CACNA1I: variants seen among roughly 807,000 people sequenced by gnomAD.
The protein encoded by CACNA1I is voltage-dependent T-type calcium channel subunit alpha-1I.
CACNA1I carries 74 observed loss-of-function variants against 201.6 expected under a neutral mutation model. The ratio of observed to expected loss-of-function variants is 0.37; its 90% CI spans 0.30 to 0.45. CACNA1I has a LOEUF of 0.45. CACNA1I is among the 20% of genes least tolerant of loss of function. The probability of loss-of-function intolerance (pLI) is 1.00; values close to 1 mark genes in which losing one functional copy is unlikely to be tolerated. For synonymous variants in CACNA1I, 1,431 were observed against 1,345.2 expected (o/e 1.06, Z -1.40); for missense variants, 2,346 against 3,138.1 (o/e 0.75, Z 6.03).
intron 1 of CACNA1I, among the ~76,000 whole-genome samples, chr22:39,579,276 A>T (rs1367409350): frequency 6.6e-6 from 1 of 152,200 alleles, no homozygotes; most frequent in Non-Finnish European, 1.5e-5. Flanking sequence ...CCAACTCTCC[A>T]ACCATGGCTG....
At chr22:39,591,512 G>C (rs1292266442) in intron 1 of CACNA1I, among the ~76,000 whole-genome samples, 3 of 152,046 alleles carry the variant, frequency 2.0e-5, no homozygotes, top group Non-Finnish European at 4.4e-5. Flanking sequence ...GTATGCTGCA[G>C]GACAGATATC....
In CACNA1I at chr22:39,662,276, G is replaced by T. The variant is rs756935662; in HGVS notation, c.3213G>T (p.Val1071=). The T allele has an allele frequency of 3.0e-5, 45 of 1,516,066 alleles. No individual in the cohort carries two copies. The African/African-American group carries it at 5.8e-4, about 19-fold the overall frequency. The allele number at this position is 1,516,066 out of a possible 1,614,324, so 93.9% of individuals were successfully genotyped here. Residue 1071 remains valine (V), a synonymous_variant, in exon 17 of 37, where the codon GTG becomes GTT. Transcript: ENST00000402142. ...ACTCGGTGGACCTGGCCGAGCTGGTGCCCGCGGTGGGCGCCCACCCCCGGG... is the reference window on the plus strand; with the variant it reads ...ACTCGGTGGACCTGGCCGAGCTGGTTCCCGCGGTGGGCGCCCACCCCCGGG... ...NRDSVDLAEL[V]PAVGAHPRAA... is the part of the protein sequence containing the mutation.
intron 1 of CACNA1I, among the ~76,000 whole-genome samples, chr22:39,583,032 C>G (rs1365377106): frequency 4.2e-5 from 1 of 23,660 alleles, no homozygotes; most frequent in African/African-American, 3.2e-4. Context: ...AAGCACCCAA[C>G]CATCCATCCA....
intron 10 of CACNA1I, chr22:39,656,306 C>T (rs1048816147): frequency 3.0e-5 from 14 of 470,124 alleles, no homozygotes; most frequent in African/African-American, 7.9e-5. Flanking sequence ...TGGAGGGGCT[C>T]CTGCTCTCGG....
chr22:39,683,944 C>T (rs949113990), intron 35 of CACNA1I, among the ~76,000 whole-genome samples: 1 of 152,200 alleles, frequency 6.6e-6, no homozygotes, highest in Non-Finnish European at 1.5e-5. Flanking sequence ...GTACTTGGTA[C>T]TGAGCTGGGA....
At chr22:39,591,195 C>T (rs550913787) in intron 1 of CACNA1I, among the ~76,000 whole-genome samples, 4 of 142,338 alleles carry the variant, frequency 2.8e-5, no homozygotes, top group East Asian at 2.1e-4. Context: ...GTTTCACTCT[C>T]GTTGCCCAGG....
chr22:39,678,212 A>G, intron 31 of CACNA1I, 104 bp downstream of exon 31: 4 of 1,311,100 alleles, frequency 3.1e-6, no homozygotes, highest in Non-Finnish European at 3.1e-6. Flanking sequence ...CCCACCACAC[A>G]TGGGAGGGGC....
chr22:39,593,259 C>G (rs1351054286), intron 1 of CACNA1I, among the ~76,000 whole-genome samples: 1 of 152,212 alleles, frequency 6.6e-6, no homozygotes, highest in Non-Finnish European at 1.5e-5. Context: ...TGAGTGGTGT[C>G]AGCTCTCCAG....
At position 39,651,334 on chromosome 22, in the gene CACNA1I, G is replaced by C. The variant is rs548291497; in HGVS notation, c.1992+1409G>C. On this transcript the variant is annotated intron_variant, in intron 10 of 36. Transcript: ENST00000402142. ...GGGCCGCACACGCACCTCCCTCTTC[G>C]TTAGCTCACCAAGCACAGGCTCCAT... 2.0e-5 allele frequency among the ~76,000 whole-genome samples: 3 copies of C among 152,208 alleles called. 1 individual carries two copies. The highest frequency in any genetic ancestry group is 4.1e-4 in the South Asian group (2 of 4,832).
intron 34 of CACNA1I, among the ~76,000 whole-genome samples, chr22:39,682,033 G>C (rs1935720570): frequency 6.6e-6 from 1 of 152,156 alleles, no homozygotes; most frequent in Admixed American, 6.5e-5. Context: ...CTGCCTTGGA[G>C]GGGGCATTAA....
At position 39,684,504 on chromosome 22, in the gene CACNA1I, G is replaced by A. The variant is rs1412112609; in HGVS notation, c.6027+6G>A. The A allele has an allele frequency of 3.1e-6, 5 of 1,611,084 alleles. No individual in the cohort carries two copies. The highest frequency in any genetic ancestry group is 1.1e-5 in the South Asian group (1 of 90,418). On this transcript the variant is annotated splice_donor_region_variant and intron_variant, in intron 36 of 36. Coordinates refer to ENST00000402142, the MANE Select transcript of CACNA1I (RefSeq NM_021096.4). The surrounding 1 kb of genome is among the most constrained non-coding windows in gnomAD (Gnocchi z 4.6). ...ACTGTACCCTCCTCCGGCAGGTACC[G>A]ACACCTCCCAGGCCCTAGAGCACTG...
At chr22:39,586,126 C>T (rs547179576) in intron 1 of CACNA1I, among the ~76,000 whole-genome samples, 3 of 151,924 alleles carry the variant, frequency 2.0e-5, no homozygotes, top group African/African-American at 4.8e-5. Flanking sequence ...TGCAGTGAGC[C>T]GAGATCGTGC....
At chr22:39,640,616 A>G (rs1601486587) in intron 5 of CACNA1I, among the ~76,000 whole-genome samples, 1 of 152,308 alleles carries the variant, frequency 6.6e-6, no homozygotes, top group Admixed American at 6.5e-5. Context: ...CATCTCCCCC[A>G]GGAGCCATAA....
At chr22:39,637,759 T>C (rs1220572062) in intron 5 of CACNA1I, among the ~76,000 whole-genome samples, 2 of 152,256 alleles carry the variant, frequency 1.3e-5, no homozygotes, top group East Asian at 3.8e-4. Context: ...TGAAGTCCAG[T>C]TTATCAATCA....
chr22:39,582,766 C>G (rs946125087), intron 1 of CACNA1I, among the ~76,000 whole-genome samples: 72 of 141,600 alleles, frequency 5.1e-4, no homozygotes, highest in Non-Finnish European at 7.1e-4. Flanking sequence ...ATCTTTCCCC[C>G]ATACACCCAC....
chr22:39,682,567 G>A lies in CACNA1I; in HGVS notation c.5736G>A (p.Thr1912=). Residue 1912 remains threonine, a synonymous_variant, in exon 35 of 37, where the codon ACG becomes ACA. Coordinates refer to ENST00000402142, the MANE Select transcript of CACNA1I (RefSeq NM_021096.4). ...AATGCTTCTTCCCCTTGTCCTCTACGGCCGTCTCGCCGGATCCAGAGAACT... is the reference window on the plus strand; with the variant it reads ...AATGCTTCTTCCCCTTGTCCTCTACAGCCGTCTCGCCGGATCCAGAGAACT... ...LGECFFPLSS[T]AVSPDPENFL... The A allele has an allele frequency of 6.2e-7, 1 of 1,613,652 alleles. No homozygotes were observed. The highest frequency in any genetic ancestry group is 1.7e-5 in the Admixed American group (1 of 60,014).
In CACNA1I at chr22:39,629,120, C is replaced by A. The variant is rs1021282454; in HGVS notation, c.581-5445C>A. 8.5e-5 allele frequency among the ~76,000 whole-genome samples: 13 copies of A among 152,152 alleles called. No individual in the cohort carries two copies. Among genetic ancestry groups the A allele is most frequent in the African/African-American group, 3.1e-4 (13 of 41,430 alleles). On this transcript the variant is annotated intron_variant, in intron 4 of 36. Coordinates refer to ENST00000402142, the MANE Select transcript of CACNA1I (RefSeq NM_021096.4). This position sits in a 1 kb window ranked among gnomAD's most constrained non-coding sequence, Gnocchi z 4.8. ...CCTAGGGGTCCCCAAAAAGGGTGAG[C>A]AGCTCCATCCACTTGCCCGCTGCCA...
chr22:39,600,435 C>T, intron 2 of CACNA1I, 85 bp from the exon 3 acceptor site: 1 of 1,150,550 alleles, frequency 8.7e-7, no homozygotes, highest in East Asian at 2.4e-5. Flanking sequence ...CATGTGGTGT[C>T]CCCACCTCAC....
chr22:39,681,508 A>G (rs1227403217), intron 34 of CACNA1I, among the ~76,000 whole-genome samples: 1 of 152,156 alleles, frequency 6.6e-6, no homozygotes, highest in Non-Finnish European at 1.5e-5. Flanking sequence ...AGCAGGGATG[A>G]TTTGTTCCCA....
Sources: allele counts gnomAD v4.1 joint callset (sites outside exome capture counted in the v4.1 genomes callset), GRCh38; gene constraint gnomAD v4.1.1; non-coding constraint Gnocchi (gnomAD v3.1); transcripts MANE v1.5; gene names NCBI Gene and HGNC (gene_info 2026-07-23, HGNC 2026-07-21).